FAM90A1: variants seen among roughly 807,000 people sequenced by gnomAD.
The protein encoded by FAM90A1 is family with sequence similarity 90 member A1.
A neutral mutation model predicts 14.8 loss-of-function variants in FAM90A1; 10 were observed. The ratio of observed to expected loss-of-function variants is 0.67; its 90% CI spans 0.42 to 1.14. The LOEUF is 1.14. FAM90A1 is among the 50% of genes most tolerant of loss of function. The pLI is 0.00. For missense variants in FAM90A1, 567 were observed against 602.8 expected (o/e 0.94, Z 0.62); for synonymous variants, 236 against 248.4 (o/e 0.95, Z 0.47).
rs759812352 is a variant in FAM90A1 at position 8,222,168 on chromosome 12, G to T, written c.1049C>A (p.Thr350Lys). 21 of 1,584,372 alleles carry T rather than the reference G, an allele frequency of 1.3e-5. No homozygotes were observed. Among genetic ancestry groups the T allele is most frequent in the South Asian group, 8.9e-5 (8 of 90,322 alleles). Residue 350 changes from threonine (T) to lysine (K), a missense_variant, in exon 7 of 7, where the codon ACG (threonine) becomes AAG (lysine). Coordinates refer to ENST00000538603, the MANE Select transcript of FAM90A1 (RefSeq NM_018088.3). ...LGPRTSPQTG[T>K]RTPAQVLSGD... ...GCTAAGCACCTGGGCGGGTGTCCTC[G>T]TGCCTGTCTGGGGTGACGTACGTGG...
intron 2 of FAM90A1, 51 bp from the exon 3 acceptor site, chr12:8,226,043 ATTAAC>A (rs1466353223): frequency 1.3e-5 from 2 of 152,082 alleles, no homozygotes; most frequent in Non-Finnish European, 2.9e-5. Context: ...GTTAATTACA[ATTAAC>A]TTAATCCAAT....
rs1313923935 is a variant in FAM90A1, at chr12:8,222,412, G to T, written c.805C>A (p.Pro269Thr). The change falls in exon 7 of 7, where the codon CCC becomes ACC. Residue 269 changes from proline (P) to threonine (T), a missense_variant. Physicochemically the swap from Pro to Thr is conservative, Grantham distance 38 (BLOSUM62 -1). Coordinates refer to ENST00000538603, the MANE Select transcript of FAM90A1 (RefSeq NM_018088.3). ...QDKRPAVTSQ[P>T]CPPAATHSLG... is the part of the protein sequence containing the mutation. ...CTGTGTGTGGCGGCTGGTGGGCAGGGCTGTGAGGTCACCGCAGGACGTTTG... is the reference window on the plus strand; with the variant it reads ...CTGTGTGTGGCGGCTGGTGGGCAGGTCTGTGAGGTCACCGCAGGACGTTTG... The T allele has an allele frequency of 2.5e-6, 4 of 1,611,290 alleles. No homozygotes were observed. The African/African-American group carries it at 5.3e-5, about 22-fold the overall frequency.
intron 1 of FAM90A1, among the ~76,000 whole-genome samples, chr12:8,226,716 C>T (rs1326612291): frequency 6.6e-6 from 1 of 151,616 alleles, no homozygotes; most frequent in Non-Finnish European, 1.5e-5. Flanking sequence ...GCAGGGAGCC[C>T]AGATGTGAAT....
chr12:8,223,633 G>C, intron 5 of FAM90A1, 76 bp from the exon 6 acceptor site: 1 of 889,216 alleles, frequency 1.1e-6, no homozygotes, highest in Non-Finnish European at 1.9e-6. Context: ...CTGGGGCCCA[G>C]TCCCATTCCG....
Position 8,224,085 on chromosome 12 carries a change from C to T in FAM90A1, c.254G>A (p.Trp85Ter). ...AGGGTTCGCTTCAACCTGGGGCTTCCATGGTTTCAGGTTTTCCTTCCCTTC... is the reference window on the plus strand; with the variant it reads ...AGGGTTCGCTTCAACCTGGGGCTTCTATGGTTTCAGGTTTTCCTTCCCTTC... ...EKEGKENLKP[W>*]KPQVEANPGP... Residue 85 changes from tryptophan (W) to a stop codon, truncating the protein, a stop_gained, in exon 5 of 7, where the codon TGG (tryptophan) becomes TAG (stop). Coordinates refer to ENST00000538603, the MANE Select transcript of FAM90A1 (RefSeq NM_018088.3). LOFTEE classifies it high-confidence loss of function. 6.2e-7 allele frequency: 1 copy of T among 1,612,074 alleles called. No individual in the cohort carries two copies. Among genetic ancestry groups the T allele is most frequent in the South Asian group, 1.1e-5 (1 of 90,994 alleles).
rs751715960 is a variant in FAM90A1 at position 8,222,663 on chromosome 12, G to T, written c.554C>A (p.Pro185His). Residue 185 changes from proline (P) to histidine (H), a missense_variant, in exon 7 of 7, where the codon CCC becomes CAC. Transcript: ENST00000538603. ...GGAGCTCAGACTGGCTTTTCTGAGG[G>T]GAGACAGTGAAGCTAAGACGGAGCC... ...DRGSVLASLS[P>H]LRKASLSSSS... 24 of 1,611,054 alleles carry T rather than the reference G, an allele frequency of 1.5e-5. No homozygotes were observed. Among genetic ancestry groups the T allele is most frequent in the Non-Finnish European group, 2.0e-5 (24 of 1,179,868 alleles).
Position 8,224,911 on chromosome 12 carries a change from C to G in FAM90A1, c.-56-23G>C, listed in dbSNP as rs190784989. On this transcript the variant is annotated intron_variant, in intron 3 of 6. Transcript: ENST00000538603. ...CACCTGAAACACACACAAACACACACAAGTCGATGGTTAAGCACATTGGAT... is the reference window on the plus strand; with the variant it reads ...CACCTGAAACACACACAAACACACAGAAGTCGATGGTTAAGCACATTGGAT... The G allele has an allele frequency of 1.7e-5, 26 of 1,552,398 alleles. No individual in the cohort carries two copies. The East Asian group carries it at 5.4e-4, about 32-fold the overall frequency.
chr12:8,222,562 C>A lies in FAM90A1; in HGVS notation c.655G>T (p.Gly219Cys). ...TTCACCACGAGGAGAGGCTCGGGGC[C>A]CTGGTGCCTGACTGCAGTCTGAGGG... ...DIPQTAVRHQ[G>C]PEPLLVVKPT... Residue 219 changes from glycine to cysteine, a missense_variant, in exon 7 of 7, where the codon GGC becomes TGC. By Grantham distance (159) the Gly-to-Cys change is radical. Transcript: ENST00000538603. The A allele has an allele frequency of 6.2e-7, 1 of 1,612,012 alleles. No homozygotes were observed. Among genetic ancestry groups the A allele is most frequent in the East Asian group, 2.2e-5 (1 of 44,884 alleles).
intron 1 of FAM90A1, 130 bp from the exon 2 acceptor site, chr12:8,226,608 A>T (rs1948948619): frequency 6.0e-6 from 1 of 166,810 alleles, no homozygotes; most frequent in Admixed American, 6.5e-5. Flanking sequence ...TGTGCTTCCC[A>T]CGATCTTGTC....
At position 8,221,952 on chromosome 12, in the gene FAM90A1, G is replaced by A. The variant is rs552829155; in HGVS notation, c.1265C>T (p.Ala422Val). ...PSFHSPEKPG[A>V]FLAQSPHVSE... is the part of the protein sequence containing the mutation. ...GACATGAGGGCTCTGAGCGAGGAAG[G>A]CTCCCGGCTTCTCAGGAGAGTGAAA... Residue 422 changes from alanine to valine, a missense_variant, in exon 7 of 7, where the codon GCC becomes GTC. By Grantham distance (64) the Ala-to-Val change is moderately conservative. Transcript: ENST00000538603. 1.6e-4 allele frequency: 263 copies of A among 1,596,374 alleles called. No homozygotes were observed. Among genetic ancestry groups the A allele is most frequent in the African/African-American group, 6.7e-5 (5 of 74,862 alleles).
chr12:8,227,483 G>T lies in FAM90A1; in HGVS notation c.-424C>A, dbSNP rs1431084189. On this transcript the variant is annotated 5_prime_UTR_variant, in exon 1 of 7. Coordinates refer to ENST00000538603, the MANE Select transcript of FAM90A1 (RefSeq NM_018088.3). Reference sequence around the variant, plus strand: ...CGGGTGCCAGGCCAGTGCTTACCCCGCCATGTTTTCAAGCCCGAGGCCAGC... The same window carrying T: ...CGGGTGCCAGGCCAGTGCTTACCCCTCCATGTTTTCAAGCCCGAGGCCAGC... The T allele has an allele frequency of 6.9e-5, 46 of 666,348 alleles. No homozygotes were observed. The highest frequency in any genetic ancestry group is 1.1e-4 in the Non-Finnish European group (45 of 412,088). 41.3% of individuals were successfully genotyped at this position (666,348 alleles called of 1,614,324 possible). A position where few individuals can be genotyped will look rare whatever the true frequency, so the allele number is the denominator to read the frequency against.
At position 8,221,883 on chromosome 12, in the gene FAM90A1, A is replaced by G. The variant is rs1159913884; in HGVS notation, c.1334T>C (p.Val445Ala). 14 of 1,596,370 alleles carry G rather than the reference A, an allele frequency of 8.8e-6. No individual in the cohort carries two copies. The highest frequency in any genetic ancestry group is 1.2e-5 in the Non-Finnish European group (14 of 1,179,742). Residue 445 changes from valine to alanine, a missense_variant, in exon 7 of 7, where the codon GTC becomes GCC. Coordinates refer to ENST00000538603, the MANE Select transcript of FAM90A1 (RefSeq NM_018088.3). ...EGPCVRVPPS[V>A]LYEDLQVPSS... ...GGGAACCTGAAGGTCCTCATAGAGG[A>G]CGCTTGGTGGGACACGAACACAGGG...
Position 8,222,287 on chromosome 12 carries a change from C to G in FAM90A1, c.930G>C (p.Leu310=). ...CGCTTTCGGGGATCTGGAAGGGACC[C>G]AGTCTCGGTTTCTTGGGGAAGTTCA... ...ACLNFPKKPR[L]GPFQIPESAI... The change falls in exon 7 of 7, where the codon CTG becomes CTC. Residue 310 remains leucine (L), a synonymous_variant. Coordinates refer to ENST00000538603, the MANE Select transcript of FAM90A1 (RefSeq NM_018088.3). 1 of 1,611,394 alleles carries G rather than the reference C, an allele frequency of 6.2e-7. No individual in the cohort carries two copies. Among genetic ancestry groups the G allele is most frequent in the Non-Finnish European group, 8.5e-7 (1 of 1,179,976 alleles).
intron 6 of FAM90A1, among the ~76,000 whole-genome samples, 173 bp downstream of exon 6, chr12:8,223,276 T>G (rs1248484605): frequency 1.3e-5 from 2 of 152,184 alleles, no homozygotes; most frequent in Non-Finnish European, 2.9e-5. Context: ...ATACGGCATC[T>G]TCAGATGCCT....
chr12:8,224,230 G>A lies in FAM90A1; in HGVS notation c.124-15C>T, dbSNP rs769297006. Reference sequence around the variant, plus strand: ...TTGCACTTGAGCTGTGGGTGGAAAGGAAGTGATGTCAGTGAGTGAGCTGAA... The same window carrying A: ...TTGCACTTGAGCTGTGGGTGGAAAGAAAGTGATGTCAGTGAGTGAGCTGAA... On this transcript the variant is annotated splice_polypyrimidine_tract_variant and intron_variant, in intron 4 of 6. Coordinates refer to ENST00000538603, the MANE Select transcript of FAM90A1 (RefSeq NM_018088.3). The A allele has an allele frequency of 1.1e-5, 18 of 1,607,324 alleles. No homozygotes were observed. In the South Asian group the frequency reaches 1.3e-4, roughly 12 times the overall value.
Position 8,224,845 on chromosome 12 carries a change from G to T in FAM90A1, c.-13C>A, listed in dbSNP as rs748651360. The T allele has an allele frequency of 1.1e-4, 178 of 1,556,468 alleles. No homozygotes were observed. The highest frequency in any genetic ancestry group is 1.4e-4 in the Non-Finnish European group (160 of 1,155,662). On this transcript the variant is annotated 5_prime_UTR_variant, in exon 4 of 7. Coordinates refer to ENST00000538603, the MANE Select transcript of FAM90A1 (RefSeq NM_018088.3). Reference sequence around the variant, plus strand: ...GACGTGCCATCATCTTCGTCTCCTGGGGGTTTTATGACCGCCTTTTTCAGG... The same window carrying T: ...GACGTGCCATCATCTTCGTCTCCTGTGGGTTTTATGACCGCCTTTTTCAGG...
In FAM90A1 at chr12:8,222,409, A is replaced by T. The variant is rs763772203; in HGVS notation, c.808T>A (p.Cys270Ser). ...AAGCTGTGTGTGGCGGCTGGTGGGC[A>T]GGGCTGTGAGGTCACCGCAGGACGT... is the stretch of plus-strand genomic sequence containing the variant. Reference protein sequence around the residue: ...DKRPAVTSQPCPPAATHSLGL... With the variant: ...DKRPAVTSQPSPPAATHSLGL... The change falls in exon 7 of 7, where the codon TGC becomes AGC. Residue 270 changes from cysteine to serine, a missense_variant. Transcript: ENST00000538603. 3 of 1,611,452 alleles carry T rather than the reference A, an allele frequency of 1.9e-6. No homozygotes were observed. In the South Asian group the frequency reaches 3.3e-5, roughly 18 times the overall value.
intron 6 of FAM90A1, among the ~76,000 whole-genome samples, chr12:8,223,021 C>T (rs781378737): frequency 3.3e-5 from 5 of 152,240 alleles, no homozygotes; most frequent in Non-Finnish European, 5.9e-5. Flanking sequence ...CAAAAGATTG[C>T]GTCTTAGGCA....
chr12:8,226,776 T>TC (rs1311605044), intron 1 of FAM90A1, among the ~76,000 whole-genome samples: 1 of 151,748 alleles, frequency 6.6e-6, no homozygotes, highest in Non-Finnish European at 1.5e-5. Flanking sequence ...AGCATCTTTT[T>TC]TTTTTTCTTG....
Sources: allele counts gnomAD v4.1 joint callset (sites outside exome capture counted in the v4.1 genomes callset), GRCh38; gene constraint gnomAD v4.1.1; transcripts MANE v1.5; gene names NCBI Gene and HGNC (gene_info 2026-07-23, HGNC 2026-07-21).